The following KLHL36 variants were observed in gnomAD, a reference collection of about 807,000 sequenced individuals.
The protein encoded by KLHL36 is kelch like family member 36.
A neutral mutation model predicts 53.3 loss-of-function variants in KLHL36; 35 were observed. That is an observed-to-expected ratio of 0.66 (90% CI 0.50 to 0.87). The LOEUF (loss-of-function observed/expected upper bound fraction) is 0.87, where lower values mean the gene tolerates loss of function less well. Among genes scored for constraint, KLHL36 ranks in the 40% least tolerant of loss-of-function variants. The probability of loss-of-function intolerance (pLI) is 0.00; values close to 1 mark genes in which losing one functional copy is unlikely to be tolerated. For missense variants in KLHL36, 864 were observed against 897.6 expected, an observed-to-expected ratio of 0.96 and a Z score of 0.48; for synonymous variants, 472 against 398.9, an observed-to-expected ratio of 1.18 and a Z score of -2.18.
chr16:84,656,720 C>T, intron 2 of KLHL36, 151 bp from the exon 3 acceptor site: 1 of 618,966 alleles, frequency 1.6e-6, no homozygotes, highest in Non-Finnish European at 2.8e-6. Flanking sequence ...TACTCAGAAA[C>T]ACCTGTACTT....
rs1212447151 is a variant in KLHL36 at position 84,662,099 on chromosome 16, G to T, written c.1817G>T (p.Gly606Val). 6.4e-7 allele frequency: 1 copy of T among 1,566,104 alleles called. No individual in the cohort carries two copies. Among genetic ancestry groups the T allele is most frequent in the Non-Finnish European group, 8.7e-7 (1 of 1,154,826 alleles). The change falls in exon 5 of 5, where the codon GGC (glycine) becomes GTC (valine). Residue 606 changes from glycine (G) to valine (V), a missense_variant. By Grantham distance (109) the Gly-to-Val change is moderately radical (BLOSUM62 -3). Transcript: ENST00000564996. ...CGGCCAGAGGACAAGAAGAAGAAAG[G>T]CAAAGGCAAGAGGCACCAGGACCGG... is the stretch of plus-strand genomic sequence containing the variant. ...EPRPEDKKKK[G>V]KGKRHQDRGQ
Position 84,658,119 on chromosome 16 carries a change from G to A in KLHL36, c.1137+175G>A, listed in dbSNP as rs115879323. ...GGGCCTACATCCTGGACAGGGAGAG[G>A]GAGAGCCGACCCACCCCTTCGAGGG... On this transcript the variant is annotated intron_variant, in intron 3 of 4. Transcript: ENST00000564996. 3.5e-3 allele frequency: 1,915 copies of A among 550,046 alleles called. 38 individuals carry two copies. The highest frequency in any genetic ancestry group is 0.034 in the African/African-American group (1,774 of 51,914). 34.1% of individuals were successfully genotyped at this position (550,046 alleles called of 1,614,324 possible).
In KLHL36 at chr16:84,657,164, C is replaced by A; in HGVS notation, c.357C>A (p.Val119=). Residue 119 remains valine (V), a synonymous_variant, in exon 3 of 5, where the codon GTC becomes GTA. Transcript: ENST00000564996. ...TGGATGGCGGCAACATTGACTACGTCCTGGAGACGGCTCACCTGCTGCAGA... is the reference window on the plus strand; with the variant it reads ...TGGATGGCGGCAACATTGACTACGTACTGGAGACGGCTCACCTGCTGCAGA... The part of the protein sequence containing the change: ...LVLDGGNIDY[V]LETAHLLQIW... The A allele has an allele frequency of 1.2e-6, 2 of 1,614,154 alleles. No homozygotes were observed. Among genetic ancestry groups the A allele is most frequent in the Non-Finnish European group, 1.7e-6 (2 of 1,180,038 alleles).
rs1374382424 is a variant in KLHL36, at chr16:84,661,124, C to G, written c.1296-454C>G. On this transcript the variant is annotated intron_variant, in intron 4 of 4. Coordinates refer to ENST00000564996, the MANE Select transcript of KLHL36 (RefSeq NM_024731.4). The surrounding 1 kb of genome is among the most constrained non-coding windows in gnomAD (Gnocchi z 7.9). ...CCTCTCCCCACAGTCCTGGCAGCCACTGATTTTGCTGTCTCTATGGTTTTA... is the reference window on the plus strand; with the variant it reads ...CCTCTCCCCACAGTCCTGGCAGCCAGTGATTTTGCTGTCTCTATGGTTTTA... 6.6e-6 allele frequency among the ~76,000 whole-genome samples: 1 copy of G among 152,226 alleles called. No homozygotes were observed. Among genetic ancestry groups the G allele is most frequent in the Non-Finnish European group, 1.5e-5 (1 of 68,046 alleles).
rs149518662 is a variant in KLHL36, at chr16:84,656,338, T to C, written c.64-533T>C. On this transcript the variant is annotated intron_variant, in intron 2 of 4. Transcript: ENST00000564996. The stretch of plus-strand genomic sequence containing the variant: ...AGGCTGGAGTGTAGTGGTGTGCTCT[T>C]GGCTCACTGCAACCTCCATCTCCTG... 7.5e-3 allele frequency among the ~76,000 whole-genome samples: 1,137 copies of C among 151,380 alleles called. 17 individuals carry two copies. Among genetic ancestry groups the C allele is most frequent in the African/African-American group, 0.025 (1,050 of 41,254 alleles).
At chr16:84,660,171 G>A (rs927256277) in intron 4 of KLHL36, among the ~76,000 whole-genome samples, 2 of 152,186 alleles carry the variant, frequency 1.3e-5, no homozygotes, top group African/African-American at 4.8e-5. Context: ...AGTGTGTGCA[G>A]TTGCTGAGCT....
At position 84,664,658 on chromosome 16, in the gene KLHL36, T is replaced by G. The variant is rs1907742207; in HGVS notation, c.*2525T>G. 6.6e-6 allele frequency: 1 copy of G among 152,218 alleles called. No individual in the cohort carries two copies. Among genetic ancestry groups the G allele is most frequent in the Admixed American group, 6.5e-5 (1 of 15,288 alleles). 9.4% of individuals were successfully genotyped at this position (152,218 alleles called of 1,614,324 possible). A position where few individuals can be genotyped will look rare whatever the true frequency, so the allele number is the denominator to read the frequency against. ...CATCTTGTGGGTCAACTTCTAATAT[T>G]TGATGGTGGCTACACTGTGACAAGA... On this transcript the variant is annotated 3_prime_UTR_variant, in exon 5 of 5. Transcript: ENST00000564996.
In KLHL36 at chr16:84,664,225, G is replaced by A. The variant is rs1286958189; in HGVS notation, c.*2092G>A. On this transcript the variant is annotated 3_prime_UTR_variant, in exon 5 of 5. Coordinates refer to ENST00000564996, the MANE Select transcript of KLHL36 (RefSeq NM_024731.4). ...TTTATTGCTTGTAGACCCCTCAGAA[G>A]GCAGGGTAGGGTGTACGTGGGCTGT... 6.6e-6 allele frequency: 1 copy of A among 152,160 alleles called. No homozygotes were observed. The highest frequency in any genetic ancestry group is 1.9e-4 in the East Asian group (1 of 5,194). The allele number at this position is 152,160 out of a possible 1,614,324, so 9.4% of individuals were successfully genotyped here.
At chr16:84,653,234 T>C (rs1306791570) in intron 2 of KLHL36, among the ~76,000 whole-genome samples, 1 of 151,914 alleles carries the variant, frequency 6.6e-6, no homozygotes, top group Non-Finnish European at 1.5e-5. Context: ...AAAAGTGTTG[T>C]TCCTTTTTGA....
rs1179675319 is a variant in KLHL36 at position 84,664,115 on chromosome 16, CCTA to C, written c.*1983_*1985del. ...GAGCCTAAAAGTCGTTTGTCTCATA[CCTA>C]GTCCCAGACCCCCACAAAACATGTT... On this transcript the variant is annotated 3_prime_UTR_variant, in exon 5 of 5. Transcript: ENST00000564996. 1 of 152,202 alleles carries C rather than the reference CCTA, an allele frequency of 6.6e-6. No homozygotes were observed. The highest frequency in any genetic ancestry group is 6.5e-5 in the Admixed American group (1 of 15,278). 9.4% of individuals were successfully genotyped at this position (152,202 alleles called of 1,614,324 possible).
chr16:84,649,323 C>G (rs1906678784), intron 1 of KLHL36: 1 of 152,326 alleles, frequency 6.6e-6, no homozygotes, highest in Non-Finnish European at 1.5e-5. Flanking sequence ...CTCTAGGTAT[C>G]TTGGCCTAGA....
At chr16:84,651,953 A>G (rs1906910667) in intron 2 of KLHL36, among the ~76,000 whole-genome samples, 1 of 152,180 alleles carries the variant, frequency 6.6e-6, no homozygotes, top group African/African-American at 2.4e-5. Flanking sequence ...AGGGGGAAAG[A>G]GATTCTACAG....
intron 2 of KLHL36, among the ~76,000 whole-genome samples, chr16:84,655,287 G>A (rs1328875719): frequency 1.3e-5 from 2 of 152,148 alleles, no homozygotes; most frequent in Non-Finnish European, 2.9e-5. Context: ...AATGACAAAC[G>A]CATGTATGGC....
At chr16:84,660,767 G>A (rs562163487) in intron 4 of KLHL36, among the ~76,000 whole-genome samples, 83 of 152,176 alleles carry the variant, frequency 5.5e-4, no homozygotes, top group African/African-American at 1.9e-3. Flanking sequence ...GACTGCAGGC[G>A]CCTGCCACCA....
At chr16:84,656,600 C>G (rs1469178172) in intron 2 of KLHL36, among the ~76,000 whole-genome samples, 1 of 146,278 alleles carries the variant, frequency 6.8e-6, no homozygotes, top group African/African-American at 2.5e-5. Context: ...CCACTGCACT[C>G]CAGCCTGGGC....
At position 84,662,059 on chromosome 16, in the gene KLHL36, T is replaced by C; in HGVS notation, c.1777T>C (p.Cys593Arg). 6.3e-7 allele frequency: 1 copy of C among 1,580,728 alleles called. No individual in the cohort carries two copies. The highest frequency in any genetic ancestry group is 8.6e-7 in the Non-Finnish European group (1 of 1,163,684). The change falls in exon 5 of 5, where the codon TGC becomes CGC. Residue 593 changes from cysteine (C) to arginine (R), a missense_variant. By Grantham distance (180) the Cys-to-Arg change is radical. Transcript: ENST00000564996. The part of the protein sequence containing the change: ...KAIAGGSACV[C>R]ALEPRPEDKK... ...CATCGCTGGCGGGTCCGCCTGTGTC[T>C]GCGCCCTGGAGCCACGGCCAGAGGA...
At position 84,662,231 on chromosome 16, in the gene KLHL36, T is replaced by C. The variant is rs558529523; in HGVS notation, c.*98T>C. On this transcript the variant is annotated 3_prime_UTR_variant, in exon 5 of 5. Transcript: ENST00000564996. Reference sequence around the variant, plus strand: ...GTATTCCGGAAACATTATGTACAACTTAGCAGCTTTTTTTACTTTTATGAT... The same window carrying C: ...GTATTCCGGAAACATTATGTACAACCTAGCAGCTTTTTTTACTTTTATGAT... 9.1e-7 allele frequency: 1 copy of C among 1,096,580 alleles called. No individual in the cohort carries two copies. The highest frequency in any genetic ancestry group is 1.6e-5 in the African/African-American group (1 of 63,328). The allele number at this position is 1,096,580 out of a possible 1,614,324, so 67.9% of individuals were successfully genotyped here. A position where few individuals can be genotyped will look rare whatever the true frequency, so the allele number is the denominator to read the frequency against.
chr16:84,658,154 C>T (rs907282338), intron 3 of KLHL36: 10 of 475,714 alleles, frequency 2.1e-5, no homozygotes, highest in African/African-American at 7.9e-5. Flanking sequence ...GGTCCGTCAT[C>T]GTTCAGAGCA....
chr16:84,654,138 G>A lies in KLHL36; in HGVS notation c.64-2733G>A, dbSNP rs576566569. 4.6e-5 allele frequency among the ~76,000 whole-genome samples: 7 copies of A among 152,322 alleles called. No homozygotes were observed. In the East Asian group the frequency reaches 9.7e-4, roughly 21 times the overall value. ...TGGGGTTGTGTGTATCTCCGTCTAAGCATGGTAGGGCCAGCACCCTCACCA... is the reference window on the plus strand; with the variant it reads ...TGGGGTTGTGTGTATCTCCGTCTAAACATGGTAGGGCCAGCACCCTCACCA... On this transcript the variant is annotated intron_variant, in intron 2 of 4. Transcript: ENST00000564996.
Sources: gnomAD v4.1 joint callset for allele counts (sites outside exome capture counted in the v4.1 genomes callset) on GRCh38, gnomAD v4.1.1 for gene constraint, Gnocchi (gnomAD v3.1) non-coding constraint, MANE v1.5 for transcripts, NCBI Gene and HGNC (gene_info 2026-07-23, HGNC 2026-07-21) for gene names.